PTK2: variants seen among roughly 807,000 people sequenced by gnomAD.
PTK2 encodes the protein protein tyrosine kinase 2.
A neutral mutation model predicts 150.1 loss-of-function variants in PTK2; 45 were observed. That is an observed-to-expected ratio of 0.30 (90% CI 0.24 to 0.38). PTK2 has a LOEUF of 0.38. Ranked by LOEUF, PTK2 falls within the 10% of genes least tolerant of loss-of-function variation. The pLI, the probability that PTK2 is intolerant of heterozygous loss-of-function variation, is 1.00. For missense variants in PTK2, 919 were observed against 1,307.3 expected, an observed-to-expected ratio of 0.70 and a Z score of 4.58; for synonymous variants, 432 against 449.2, an observed-to-expected ratio of 0.96 and a Z score of 0.48.
intron 1 of PTK2, among the ~76,000 whole-genome samples, chr8:140,938,030 T>C (rs1176106568): frequency 6.6e-6 from 1 of 152,248 alleles, no homozygotes; most frequent in Non-Finnish European, 1.5e-5. Context: ...CTCTACATTA[T>C]TCTAACAGTT....
intron 17 of PTK2, chr8:140,752,016 C>T (rs1415924554): frequency 4.3e-6 from 3 of 694,636 alleles, no homozygotes; most frequent in African/African-American, 1.7e-5. Context: ...AGTAAATGCA[C>T]ATCAATCTAC....
chr8:140,676,604 C>G (rs1420622471), intron 27 of PTK2, among the ~76,000 whole-genome samples: 1 of 121,988 alleles, frequency 8.2e-6, no homozygotes, highest in African/African-American at 3.1e-5. Flanking sequence ...TTGCCGCGGT[C>G]GGTGGGGGCG....
chr8:140,673,704 A>G (rs896183393), intron 29 of PTK2, among the ~76,000 whole-genome samples: 1 of 152,150 alleles, frequency 6.6e-6, no homozygotes, highest in Non-Finnish European at 1.5e-5. Flanking sequence ...CAGGAGAGTC[A>G]CAGGCGCCAA....
At chr8:140,959,629 C>T (rs551051631) in intron 1 of PTK2, among the ~76,000 whole-genome samples, 12 of 151,326 alleles carry the variant, frequency 7.9e-5, no homozygotes, top group Non-Finnish European at 1.6e-4. Flanking sequence ...CTTATATCTA[C>T]GTTTTTGATT....
intron 1 of PTK2, among the ~76,000 whole-genome samples, chr8:140,960,942 T>C (rs2154609359): frequency 1.3e-5 from 2 of 152,284 alleles, no homozygotes; most frequent in Middle Eastern, 6.8e-3. Flanking sequence ...ATCACACCAC[T>C]GCAATCCAGC....
chr8:140,742,304 A>AT (rs1410490526), intron 20 of PTK2, among the ~76,000 whole-genome samples: 3 of 152,212 alleles, frequency 2.0e-5, no homozygotes, highest in East Asian at 3.8e-4. Flanking sequence ...ATTGGAGCTG[A>AT]TTTGAATTTC....
At chr8:140,940,338 T>C (rs918542428) in intron 1 of PTK2, among the ~76,000 whole-genome samples, 5 of 151,802 alleles carry the variant, frequency 3.3e-5, no homozygotes, top group Non-Finnish European at 5.9e-5. Flanking sequence ...CAGGTGTGGA[T>C]GGCGCCACTT....
chr8:140,740,508 G>C (rs556716186), intron 20 of PTK2, among the ~76,000 whole-genome samples: 1 of 152,320 alleles, frequency 6.6e-6, no homozygotes, highest in East Asian at 1.9e-4. Context: ...CCTAGAAAGA[G>C]GAGCATTTTG....
intron 1 of PTK2, among the ~76,000 whole-genome samples, chr8:140,933,574 G>T (rs532976929): frequency 6.6e-6 from 1 of 152,176 alleles, no homozygotes; most frequent in Non-Finnish European, 1.5e-5. Flanking sequence ...GCAATGAAAA[G>T]GAATGAAGTA....
At chr8:140,850,972 C>T (rs1188174825) in intron 5 of PTK2, among the ~76,000 whole-genome samples, 2 of 152,152 alleles carry the variant, frequency 1.3e-5, no homozygotes, top group Non-Finnish European at 1.5e-5. Context: ...TTATTGTGGT[C>T]TCTTTTGAAT....
chr8:140,837,829 C>A (rs147815879), intron 7 of PTK2, among the ~76,000 whole-genome samples: 2 of 151,988 alleles, frequency 1.3e-5, no homozygotes, highest in Non-Finnish European at 2.9e-5. Context: ...AAGGCCGATG[C>A]GGGCTGATCA....
At chr8:140,722,534 T>C (rs553107918) in intron 22 of PTK2, among the ~76,000 whole-genome samples, 2 of 152,254 alleles carry the variant, frequency 1.3e-5, no homozygotes, top group South Asian at 4.1e-4. Flanking sequence ...TCTCAAAGTA[T>C]TGGGATTACA....
intron 2 of PTK2, among the ~76,000 whole-genome samples, chr8:140,893,650 T>C (rs1405765680): frequency 1.3e-5 from 2 of 152,198 alleles, no homozygotes; most frequent in African/African-American, 2.4e-5. Flanking sequence ...TGGGAAGGAC[T>C]GCTAATAGAT....
intron 1 of PTK2, among the ~76,000 whole-genome samples, chr8:140,935,715 T>G (rs1470853689): frequency 6.7e-6 from 1 of 150,032 alleles, no homozygotes; most frequent in Admixed American, 6.7e-5. Context: ...TTTTTTTTTT[T>G]TTGAGACAGA....
chr8:140,760,872 T>C (rs1316302927), intron 16 of PTK2, among the ~76,000 whole-genome samples: 2 of 152,234 alleles, frequency 1.3e-5, no homozygotes, highest in African/African-American at 4.8e-5. Context: ...CTGACTCTCA[T>C]CTGATTTGCT....
At chr8:140,754,387 G>A (rs1349899530) in intron 16 of PTK2, among the ~76,000 whole-genome samples, 1 of 152,192 alleles carries the variant, frequency 6.6e-6, no homozygotes, top group Admixed American at 6.5e-5. Context: ...TAATTAGACT[G>A]TGTACTTCTT....
chr8:140,712,382 C>T (rs1022236084), intron 23 of PTK2, among the ~76,000 whole-genome samples: 4 of 152,106 alleles, frequency 2.6e-5, no homozygotes, highest in African/African-American at 4.8e-5. Flanking sequence ...AAAAAGTAAA[C>T]TCATACAGCT....
intron 5 of PTK2, among the ~76,000 whole-genome samples, chr8:140,858,318 A>T (rs2100133987): frequency 6.6e-6 from 1 of 152,086 alleles, no homozygotes; most frequent in African/African-American, 2.4e-5. Flanking sequence ...CAAAAAACTA[A>T]GAAAAGGTCA....
Position 140,921,228 on chromosome 8 carries a change from C to G in PTK2, c.-33+4433G>C, listed in dbSNP as rs1015880421. The G allele has an allele frequency of 5.2e-6, 4 of 764,368 alleles. No individual in the cohort carries two copies. The East Asian group carries it at 1.6e-4, about 30-fold the overall frequency. The allele number at this position is 764,368 out of a possible 1,614,324, so 47.3% of individuals were successfully genotyped here. A position where few individuals can be genotyped will look rare whatever the true frequency, so the allele number is the denominator to read the frequency against. On this transcript the variant is annotated intron_variant, in intron 2 of 31. Transcript: ENST00000522684. ...ATGGCTCTGTGTTCCTAGATTCATT[C>G]AGGGAAGGAGAAAGAGGGAGGGAAA...
Sources: allele counts gnomAD v4.1 joint callset (sites outside exome capture counted in the v4.1 genomes callset), GRCh38; gene constraint gnomAD v4.1.1; transcripts MANE v1.5; gene names NCBI Gene and HGNC (gene_info 2026-07-23, HGNC 2026-07-21).